GLIS3: variants seen among roughly 807,000 people sequenced by gnomAD.
GLIS3 encodes GLIS family zinc finger 3.
In GLIS3, 53 loss-of-function variants were observed where a neutral mutation model predicts 78.6. That is an observed-to-expected ratio of 0.67 (90% CI 0.54 to 0.85). The LOEUF (loss-of-function observed/expected upper bound fraction) is 0.85. GLIS3 is among the 40% of genes least tolerant of loss of function. GLIS3 has a pLI of 0.00. For missense variants in GLIS3, 1,703 were observed against 1,231.1 expected (o/e 1.38, Z -5.74); for synonymous variants, 684 against 509.9 (o/e 1.34, Z -4.60).
intron 4 of GLIS3, among the ~76,000 whole-genome samples, chr9:3,949,191 A>G (rs1816504058): frequency 6.6e-6 from 1 of 152,234 alleles, no homozygotes; most frequent in Admixed American, 6.5e-5. Context: ...TTTCTCTTAC[A>G]AAGTAAAACA....
intron 4 of GLIS3, among the ~76,000 whole-genome samples, chr9:3,982,560 G>T (rs1376070281): frequency 6.6e-6 from 1 of 152,084 alleles, no homozygotes; most frequent in Non-Finnish European, 1.5e-5. Context: ...GACAAAAGCT[G>T]GATCACTTCA....
At chr9:4,450,543 T>C in the GLIS3 span, among the ~76,000 whole-genome samples, 3 of 151,948 alleles carry the variant, frequency 2.0e-5, no homozygotes, top group South Asian at 2.1e-4. Flanking sequence ...AGACACATAA[T>C]TGTCAGATTC....
chr9:3,934,683 A>G (rs1825796782), intron 5 of GLIS3, among the ~76,000 whole-genome samples: 2 of 152,220 alleles, frequency 1.3e-5, no homozygotes, highest in East Asian at 3.9e-4. Flanking sequence ...TGCTGGGATT[A>G]TAGGCGTGAG....
chr9:3,850,487 C>T (rs1819360229), intron 9 of GLIS3, among the ~76,000 whole-genome samples: 1 of 152,200 alleles, frequency 6.6e-6, no homozygotes, highest in Non-Finnish European at 1.5e-5. Context: ...GACATCATTC[C>T]CCTATTAACC....
the GLIS3 span, among the ~76,000 whole-genome samples, chr9:4,409,873 T>G: frequency 6.6e-6 from 1 of 152,206 alleles, no homozygotes; most frequent in Non-Finnish European, 1.5e-5. Flanking sequence ...TACCGGAAGA[T>G]CCCCCATATC....
chr9:4,103,302 G>C (rs1024417092), intron 4 of GLIS3, among the ~76,000 whole-genome samples: 2 of 152,062 alleles, frequency 1.3e-5, no homozygotes, highest in African/African-American at 2.4e-5. Context: ...TGAACATTTA[G>C]AATGTGAACC....
In GLIS3 at chr9:3,825,665, G is replaced by C. The variant is rs1017042173; in HGVS notation, c.*2607C>G. 1 of 152,180 alleles carries C rather than the reference G, an allele frequency of 6.6e-6. No individual in the cohort carries two copies. Among genetic ancestry groups the C allele is most frequent in the Non-Finnish European group, 1.5e-5 (1 of 68,034 alleles). 9.4% of individuals were successfully genotyped at this position (152,180 alleles called of 1,614,324 possible). A position where few individuals can be genotyped will look rare whatever the true frequency, so the allele number is the denominator to read the frequency against. The stretch of plus-strand genomic sequence containing the variant: ...TGAATATATATATAAATCTTCTGCA[G>C]TGTGAAAGTAAGCAAGGGACAAATT... On this transcript the variant is annotated 3_prime_UTR_variant, in exon 11 of 11. Coordinates refer to ENST00000381971, the MANE Select transcript of GLIS3 (RefSeq NM_001042413.2).
At chr9:4,457,773 C>T in the GLIS3 span, among the ~76,000 whole-genome samples, 2 of 151,516 alleles carry the variant, frequency 1.3e-5, no homozygotes, top group Admixed American at 1.3e-4. Flanking sequence ...TCACTTGAAC[C>T]CGGGAGGCAG....
At chr9:3,934,192 C>A (rs1475626522) in intron 5 of GLIS3, among the ~76,000 whole-genome samples, 1 of 152,146 alleles carries the variant, frequency 6.6e-6, no homozygotes, top group East Asian at 1.9e-4. Context: ...ATTTGCATAG[C>A]CTTCTTGCAC....
chr9:4,375,615 A>G, the GLIS3 span, among the ~76,000 whole-genome samples: 1 of 152,200 alleles, frequency 6.6e-6, no homozygotes, highest in African/African-American at 2.4e-5. Flanking sequence ...AAAAAGTAAC[A>G]ACTAAGTAGA....
At chr9:4,217,204 G>T (rs564425836) in intron 2 of GLIS3, among the ~76,000 whole-genome samples, 9 of 152,254 alleles carry the variant, frequency 5.9e-5, no homozygotes, top group Non-Finnish European at 1.2e-4. Flanking sequence ...ACCCAAAGAG[G>T]ACTTTCATGC....
At chr9:4,057,966 T>C (rs1826287709) in intron 4 of GLIS3, among the ~76,000 whole-genome samples, 1 of 152,164 alleles carries the variant, frequency 6.6e-6, no homozygotes, top group Non-Finnish European at 1.5e-5. Flanking sequence ...TATGTATAGG[T>C]GTTTATCTTT....
At chr9:4,466,987 C>A in the GLIS3 span, among the ~76,000 whole-genome samples, 6 of 152,322 alleles carry the variant, frequency 3.9e-5, no homozygotes, top group South Asian at 8.3e-4. Flanking sequence ...AGATTATATC[C>A]CGCACCTGGC....
intron 4 of GLIS3, among the ~76,000 whole-genome samples, chr9:4,025,426 T>TC (rs1255833817): frequency 6.6e-6 from 1 of 152,018 alleles, no homozygotes; most frequent in Non-Finnish European, 1.5e-5. Context: ...TCTCCCTCTG[T>TC]GGCCAGGCTG....
the GLIS3 span, among the ~76,000 whole-genome samples, chr9:4,357,591 A>G: frequency 7.8e-5 from 10 of 127,892 alleles, no homozygotes; most frequent in African/African-American, 3.2e-4. Context: ...GTGTGTGTGC[A>G]TGTGTATGTG....
chr9:4,215,290 G>C (rs1820717229), intron 2 of GLIS3, among the ~76,000 whole-genome samples: 2 of 151,880 alleles, frequency 1.3e-5, no homozygotes, highest in South Asian at 4.2e-4. Context: ...CCACAGTTTT[G>C]CCTGTGAGGG....
At chr9:4,373,739 G>T in the GLIS3 span, among the ~76,000 whole-genome samples, 1 of 150,952 alleles carries the variant, frequency 6.6e-6, no homozygotes, top group Non-Finnish European at 1.5e-5. Flanking sequence ...CACGATCTCG[G>T]CTCATGCAAC....
At chr9:4,253,534 C>T (rs769987216) in intron 2 of GLIS3, among the ~76,000 whole-genome samples, 31 of 152,232 alleles carry the variant, frequency 2.0e-4, no homozygotes, top group Admixed American at 1.6e-3. Flanking sequence ...TGGATCTTGG[C>T]TTGCTGGGCT....
At chr9:3,956,091 C>G (rs1448519860) in intron 4 of GLIS3, among the ~76,000 whole-genome samples, 1 of 150,282 alleles carries the variant, frequency 6.7e-6, no homozygotes, top group Non-Finnish European at 1.5e-5. Context: ...GGTCAAACTA[C>G]CTGCTTACAT....
Sources: allele counts gnomAD v4.1 joint callset (sites outside exome capture counted in the v4.1 genomes callset), GRCh38; gene constraint gnomAD v4.1.1; transcripts MANE v1.5; gene names NCBI Gene and HGNC (gene_info 2026-07-23, HGNC 2026-07-21).